Variants in CPA6 observed in about 807,000 individuals in gnomAD.
CPA6 encodes the protein carboxypeptidase B.
A neutral mutation model predicts 63.3 loss-of-function variants in CPA6; 58 were observed. The observed-to-expected ratio is 0.92, with a 90% CI of 0.74 to 1.14. The LOEUF is 1.14. Among genes scored for constraint, CPA6 ranks in the 50% most tolerant of loss-of-function variants. CPA6 has a pLI of 0.00. For missense variants in CPA6, 565 were observed against 526.6 expected (o/e 1.07, Z -0.71); for synonymous variants, 185 against 179.0 (o/e 1.03, Z -0.27).
chr8:67,716,151 C>CAAAAAAAAAA (rs56275918), intron 1 of CPA6, among the ~76,000 whole-genome samples: 1 of 76,548 alleles, frequency 1.3e-5, no homozygotes, highest in African/African-American at 6.7e-5. Context: ...GAGCTTGTCT[C>CAAAAAAAAAA]AAAAAAAAAA....
At chr8:67,674,446 G>A (rs1816423045) in intron 1 of CPA6, among the ~76,000 whole-genome samples, 1 of 152,208 alleles carries the variant, frequency 6.6e-6, no homozygotes, top group African/African-American at 2.4e-5. Flanking sequence ...ACTACCTAAA[G>A]TCTTCTGAAT....
chr8:67,705,950 T>C (rs751523059), intron 1 of CPA6, among the ~76,000 whole-genome samples: 30 of 152,274 alleles, frequency 2.0e-4, no homozygotes, highest in Non-Finnish European at 3.8e-4. Flanking sequence ...AGAGGTATTT[T>C]TGGTAAGAAA....
intron 1 of CPA6, among the ~76,000 whole-genome samples, chr8:67,652,983 T>G (rs1325289647): frequency 1.3e-5 from 2 of 152,096 alleles, no homozygotes; most frequent in Non-Finnish European, 2.9e-5. Flanking sequence ...CCAGCACCAT[T>G]TATTAAATAA....
chr8:67,542,541 A>G (rs1457046433), intron 2 of CPA6, among the ~76,000 whole-genome samples: 2 of 152,216 alleles, frequency 1.3e-5, no homozygotes, highest in Non-Finnish European at 2.9e-5. Flanking sequence ...CTTTTTCAGA[A>G]AATGTTCAAA....
At chr8:67,740,682 GC>G (rs1259186236) in intron 1 of CPA6, among the ~76,000 whole-genome samples, 1 of 152,080 alleles carries the variant, frequency 6.6e-6, no homozygotes, top group Admixed American at 6.6e-5. Flanking sequence ...TGATTCTCCT[GC>G]CTCAGCCTCC....
chr8:67,465,233 T>A (rs1010057627), intron 8 of CPA6, among the ~76,000 whole-genome samples: 1 of 152,124 alleles, frequency 6.6e-6, no homozygotes, highest in African/African-American at 2.4e-5. Flanking sequence ...ACTTTCTTGA[T>A]GTATTCTGGT....
chr8:67,519,739 C>A (rs1021073325), intron 2 of CPA6, among the ~76,000 whole-genome samples: 1 of 152,142 alleles, frequency 6.6e-6, no homozygotes, highest in Non-Finnish European at 1.5e-5. Context: ...CATCTGTCAG[C>A]CCTTGGGCAA....
At chr8:67,691,495 C>T (rs1417907061) in intron 1 of CPA6, among the ~76,000 whole-genome samples, 2 of 152,166 alleles carry the variant, frequency 1.3e-5, no homozygotes, top group African/African-American at 4.8e-5. Flanking sequence ...AGAGGATACA[C>T]TACAAGACTG....
intron 8 of CPA6, among the ~76,000 whole-genome samples, chr8:67,481,913 G>C (rs1811368491): frequency 6.6e-6 from 1 of 152,200 alleles, no homozygotes; most frequent in African/African-American, 2.4e-5. Context: ...CAGCCAGGCT[G>C]CCTGCACTTC....
intron 2 of CPA6, among the ~76,000 whole-genome samples, chr8:67,565,372 A>T (rs1206019130): frequency 6.6e-6 from 1 of 151,856 alleles, no homozygotes; most frequent in Non-Finnish European, 1.5e-5. Flanking sequence ...CGATTAAAAA[A>T]CCCCATACAG....
chr8:67,717,340 G>A (rs958730549), intron 1 of CPA6, among the ~76,000 whole-genome samples: 2 of 152,178 alleles, frequency 1.3e-5, no homozygotes, highest in African/African-American at 4.8e-5. Context: ...CAAGAGTGGA[G>A]GTACCCAACT....
intron 1 of CPA6, among the ~76,000 whole-genome samples, chr8:67,713,939 C>G (rs1817325689): frequency 6.6e-6 from 1 of 152,146 alleles, no homozygotes; most frequent in Non-Finnish European, 1.5e-5. Flanking sequence ...TTCAGGTGCT[C>G]TGGTGACTGT....
Position 67,709,104 on chromosome 8 carries a change from G to A in CPA6, c.116+36910C>T, listed in dbSNP as rs117665118. ...TTAACTGGTATATAACCTTCCTCTA[G>A]GAACACTCAACTGATAAGGGAAAAA... On this transcript the variant is annotated intron_variant, in intron 1 of 10. Transcript: ENST00000297770. 4.6e-4 allele frequency among the ~76,000 whole-genome samples: 70 copies of A among 152,254 alleles called. No homozygotes were observed. The Middle Eastern group carries it at 0.01, about 22-fold the overall frequency.
chr8:67,683,486 C>G (rs1816642761), intron 1 of CPA6, among the ~76,000 whole-genome samples: 1 of 152,124 alleles, frequency 6.6e-6, no homozygotes, highest in Admixed American at 6.6e-5. Flanking sequence ...GAAGGCTCCC[C>G]TTTGGCCACA....
At chr8:67,689,337 A>G (rs963954677) in intron 1 of CPA6, among the ~76,000 whole-genome samples, 3 of 152,136 alleles carry the variant, frequency 2.0e-5, no homozygotes, top group Non-Finnish European at 4.4e-5. Flanking sequence ...ACATGGGTAT[A>G]TTGTGTGATA....
At chr8:67,721,187 C>T (rs1428570884) in intron 1 of CPA6, among the ~76,000 whole-genome samples, 1 of 152,242 alleles carries the variant, frequency 6.6e-6, no homozygotes, top group Non-Finnish European at 1.5e-5. Context: ...AGCACTCTGG[C>T]TACGCCCATT....
chr8:67,575,842 C>CAAAA (rs1220968056), intron 2 of CPA6, among the ~76,000 whole-genome samples: 1 of 77,638 alleles, frequency 1.3e-5, no homozygotes, highest in East Asian at 3.8e-4. Flanking sequence ...ACTCTGTCTC[C>CAAAA]AAAAAAAAAA....
intron 2 of CPA6, among the ~76,000 whole-genome samples, chr8:67,554,413 G>A (rs910078957): frequency 6.6e-6 from 1 of 152,078 alleles, no homozygotes; most frequent in Non-Finnish European, 1.5e-5. Flanking sequence ...CTGTCATGAG[G>A]GCAGCACCAA....
chr8:67,734,499 G>C (rs1817777441), intron 1 of CPA6, among the ~76,000 whole-genome samples: 1 of 145,438 alleles, frequency 6.9e-6, no homozygotes, highest in East Asian at 1.9e-4. Flanking sequence ...ACATTAAAAT[G>C]ACTTACATTT....
Sources: allele counts gnomAD v4.1 joint callset (sites outside exome capture counted in the v4.1 genomes callset), GRCh38; gene constraint gnomAD v4.1.1; transcripts MANE v1.5; gene names NCBI Gene and HGNC (gene_info 2026-07-23, HGNC 2026-07-21).